The following ATIC variants were observed in gnomAD, a reference collection of about 807,000 sequenced individuals.
ATIC encodes the protein 5-aminoimidazole-4-carboxamide ribonucleotide formyltransferase/IMP cyclohydrolase.
ATIC carries 64 observed loss-of-function variants against 72.5 expected under a neutral mutation model. That is an observed-to-expected ratio of 0.88 (90% CI 0.72 to 1.09). The LOEUF (loss-of-function observed/expected upper bound fraction) is 1.09, where lower values mean the gene tolerates loss of function less well. Ranked by LOEUF, ATIC falls within the 50% of genes least tolerant of loss-of-function variation. ATIC has a pLI of 0.00. For missense variants in ATIC, 787 were observed against 732.4 expected (o/e 1.07, Z -0.86); for synonymous variants, 281 against 267.1 (o/e 1.05, Z -0.51).
At position 215,349,559 on chromosome 2, in the gene ATIC, T is replaced by A; in HGVS notation, c.1683T>A (p.Ala561=). The A allele has an allele frequency of 1.2e-6, 2 of 1,614,030 alleles. No individual in the cohort carries two copies. The highest frequency in any genetic ancestry group is 8.5e-7 in the Non-Finnish European group (1 of 1,180,014). Residue 561 remains alanine (A), a synonymous_variant, in exon 16 of 16, where the codon GCT becomes GCA. Coordinates refer to ENST00000236959, the MANE Select transcript of ATIC (RefSeq NM_004044.7). ...AGAGTGGTGTGGCGTACATTGCGGC[T>A]CCCTCCGGTTCTGCTGCTGACAAAG... ...AKRSGVAYIA[A]PSGSAADKVV...
At chr2:215,322,432 C>T (rs532294327) in intron 4 of ATIC, among the ~76,000 whole-genome samples, 178 of 149,522 alleles carry the variant, frequency 1.2e-3, no homozygotes, top group Admixed American at 3.4e-3. Context: ...TGGGTTCAAG[C>T]GATTCTCATG....
intron 9 of ATIC, among the ~76,000 whole-genome samples, chr2:215,333,966 C>G (rs1328097430): frequency 6.6e-6 from 1 of 151,072 alleles, no homozygotes; most frequent in African/African-American, 2.4e-5. Context: ...GGTGTGAACC[C>G]GGCAGGTGGA....
chr2:215,339,533 C>T (rs1229096730), intron 12 of ATIC, among the ~76,000 whole-genome samples: 1 of 152,204 alleles, frequency 6.6e-6, no homozygotes, highest in Non-Finnish European at 1.5e-5. Context: ...AATGCATATT[C>T]ATATCTTTAT....
chr2:215,362,249 C>T, the ATIC span: 4 of 647,086 alleles, frequency 6.2e-6, no homozygotes, highest in Admixed American at 6.6e-5. Context: ...ACTCTTAATA[C>T]ATTTTGGCTT....
At chr2:215,346,997 T>C in intron 14 of ATIC, 56 bp downstream of exon 14, 1 of 1,576,768 alleles carries the variant, frequency 6.3e-7, no homozygotes, top group Non-Finnish European at 8.7e-7. Context: ...CAACCCTTTA[T>C]GTGTAACAGA....
chr2:215,361,672 A>G, the ATIC span: 4,086 of 1,414,586 alleles, frequency 2.9e-3, 11 homozygotes, highest in Non-Finnish European at 3.5e-3. Context: ...CAAATACTGT[A>G]AAGTGTACAG....
At chr2:215,322,483 C>G (rs1185577317) in intron 4 of ATIC, among the ~76,000 whole-genome samples, 1 of 151,784 alleles carries the variant, frequency 6.6e-6, no homozygotes, top group Admixed American at 6.6e-5. Context: ...GTGCCCGCCA[C>G]CACGCCCAGC....
intron 4 of ATIC, among the ~76,000 whole-genome samples, chr2:215,322,727 G>C (rs1449039773): frequency 1.3e-5 from 2 of 152,132 alleles, no homozygotes; most frequent in East Asian, 1.9e-4. Flanking sequence ...ACATGAAATA[G>C]AAGTCTTATT....
chr2:215,351,201 G>A (rs1157133064), downstream of ATIC, among the ~76,000 whole-genome samples: 1 of 152,156 alleles, frequency 6.6e-6, no homozygotes, highest in African/African-American at 2.4e-5. Context: ...CCACATGAGT[G>A]AGCCATCTCA....
chr2:215,319,754 T>C (rs750998008), intron 4 of ATIC, 23 bp downstream of exon 4: 3 of 1,574,600 alleles, frequency 1.9e-6, no homozygotes, highest in Admixed American at 1.7e-5. Context: ...AATTAAACTT[T>C]TAACACATTA....
In ATIC at chr2:215,333,349, G is replaced by C; in HGVS notation, c.815-1G>C. 6.2e-7 allele frequency: 1 copy of C among 1,613,612 alleles called. No homozygotes were observed. The highest frequency in any genetic ancestry group is 8.5e-7 in the Non-Finnish European group (1 of 1,179,556). On this transcript the variant is annotated splice_acceptor_variant, in intron 8 of 15. Transcript: ENST00000236959. LOFTEE classifies it high-confidence loss of function. ...TTATGATTTTACTATTTTCTAACCA[G>C]GTGCTGCTGTTGGAATTCCACTCAG...
chr2:215,361,545 G>A, the ATIC span: 57 of 1,586,620 alleles, frequency 3.6e-5, no homozygotes, highest in Non-Finnish European at 4.4e-5. Flanking sequence ...CTCTGGATTG[G>A]AAAGATGATT....
chr2:215,341,560 G>A (rs942669600), intron 12 of ATIC, among the ~76,000 whole-genome samples: 6 of 152,112 alleles, frequency 3.9e-5, no homozygotes, highest in African/African-American at 2.4e-5. Context: ...TGTTTTACCC[G>A]TCTTTTTAAG....
At chr2:215,358,579 TC>T in the ATIC span, among the ~76,000 whole-genome samples, 781 of 152,306 alleles carry the variant, frequency 5.1e-3, 6 homozygotes, top group African/African-American at 0.018. Flanking sequence ...CAATGGGGTT[TC>T]CCCAAGACAA....
downstream of ATIC, among the ~76,000 whole-genome samples, chr2:215,352,598 T>G (rs1359346569): frequency 1.3e-5 from 2 of 150,594 alleles, no homozygotes; most frequent in African/African-American, 4.9e-5. Flanking sequence ...AAAAAAAAAT[T>G]AAACTATTAG....
chr2:215,342,679 A>C (rs1415177666), intron 12 of ATIC, among the ~76,000 whole-genome samples: 1 of 152,086 alleles, frequency 6.6e-6, no homozygotes, highest in African/African-American at 2.4e-5. Context: ...GTGTGAGCAT[A>C]AGGTTTTTGT....
intron 2 of ATIC, among the ~76,000 whole-genome samples, chr2:215,317,790 A>G (rs1351013107): frequency 6.6e-6 from 1 of 152,088 alleles, no homozygotes; most frequent in Non-Finnish European, 1.5e-5. Flanking sequence ...TGCCCGGCCA[A>G]GGATATTTTT....
At chr2:215,360,314 T>A in the ATIC span, 1 of 152,150 alleles carries the variant, frequency 6.6e-6, no homozygotes, top group Non-Finnish European at 1.5e-5. Context: ...AGATCAGGAG[T>A]AAACAAACTG....
chr2:215,349,387 A>G, intron 15 of ATIC, 138 bp downstream of exon 15: 1 of 1,569,208 alleles, frequency 6.4e-7, no homozygotes, highest in Non-Finnish European at 8.7e-7. Context: ...TGACTTCTCC[A>G]TTGGGTGGAT....
Sources: gnomAD v4.1 joint callset for allele counts (sites outside exome capture counted in the v4.1 genomes callset) on GRCh38, gnomAD v4.1.1 for gene constraint, MANE v1.5 for transcripts, NCBI Gene and HGNC (gene_info 2026-07-23, HGNC 2026-07-21) for gene names.